Variants in TMCC1 observed in about 807,000 individuals in gnomAD.
TMCC1 encodes the protein transmembrane and coiled-coil domains protein 1.
Under a neutral mutation model 52.4 loss-of-function variants are expected in TMCC1, and 15 were observed. That is an observed-to-expected ratio of 0.29 (90% CI 0.19 to 0.44). The LOEUF (loss-of-function observed/expected upper bound fraction) is 0.44. Ranked by LOEUF, TMCC1 falls within the 20% of genes least tolerant of loss-of-function variation. The pLI is 1.00. For synonymous variants in TMCC1, 279 were observed against 301.9 expected, an observed-to-expected ratio of 0.92 and a Z score of 0.79; for missense variants, 503 against 806.0, an observed-to-expected ratio of 0.62 and a Z score of 4.55.
chr3:129,799,733 A>G (rs978017114), intron 4 of TMCC1, among the ~76,000 whole-genome samples: 3 of 151,934 alleles, frequency 2.0e-5, no homozygotes, highest in Admixed American at 6.6e-5. Flanking sequence ...AATGGCATGA[A>G]CCCGGGAGGC....
chr3:129,801,480 G>A (rs897745505), intron 4 of TMCC1, among the ~76,000 whole-genome samples: 4 of 151,468 alleles, frequency 2.6e-5, no homozygotes, highest in Non-Finnish European at 4.4e-5. Flanking sequence ...TTGTTTTCCC[G>A]AGACGGAGTC....
chr3:129,651,326 T>G lies in TMCC1; in HGVS notation c.*155A>C. On this transcript the variant is annotated 3_prime_UTR_variant, in exon 7 of 7. Coordinates refer to ENST00000393238, the MANE Select transcript of TMCC1 (RefSeq NM_001017395.5). This position sits in a 1 kb window ranked among gnomAD's most constrained non-coding sequence, Gnocchi z 5.1. Reference sequence around the variant, plus strand: ...AAAATCTAAAAAATACTATTGCAATTGCGTCTCTTGAAGAAAAAAACATTA... The same window carrying G: ...AAAATCTAAAAAATACTATTGCAATGGCGTCTCTTGAAGAAAAAAACATTA... The G allele has an allele frequency of 1.2e-6, 1 of 867,470 alleles. No homozygotes were observed. The highest frequency in any genetic ancestry group is 1.7e-6 in the Non-Finnish European group (1 of 582,936). The allele number at this position is 867,470 out of a possible 1,614,324, so 53.7% of individuals were successfully genotyped here.
At chr3:129,720,181 C>CAAAAAAAAA (rs765678095) in intron 4 of TMCC1, among the ~76,000 whole-genome samples, 20 of 58,710 alleles carry the variant, frequency 3.4e-4, no homozygotes, top group African/African-American at 1.0e-3. Context: ...GACCCTGTCT[C>CAAAAAAAAA]AAAAAAAAAA....
chr3:129,680,785 G>A (rs1230304071), intron 4 of TMCC1, among the ~76,000 whole-genome samples: 4 of 151,854 alleles, frequency 2.6e-5, no homozygotes, highest in African/African-American at 4.8e-5. Flanking sequence ...CCTGTAATCC[G>A]AGCTACTTGG....
chr3:129,880,765 C>T (rs537760315), intron 1 of TMCC1, among the ~76,000 whole-genome samples: 1 of 151,988 alleles, frequency 6.6e-6, no homozygotes, highest in African/African-American at 2.4e-5. Context: ...ACTAGGGATG[C>T]TCAACTGATA....
intron 2 of TMCC1, among the ~76,000 whole-genome samples, chr3:129,835,733 C>T (rs1046234859): frequency 6.6e-6 from 1 of 152,096 alleles, no homozygotes; most frequent in African/African-American, 2.4e-5. Flanking sequence ...TGCATATGCA[C>T]AGACTATTTC....
In TMCC1 at chr3:129,692,017, T is replaced by G. The variant is rs112314693; in HGVS notation, c.577-20753A>C. Among the ~76,000 whole-genome samples, 88 of 152,204 alleles carry G rather than the reference T, an allele frequency of 5.8e-4. 1 individual carries two copies. Among genetic ancestry groups the G allele is most frequent in the Non-Finnish European group, 8.7e-4 (59 of 68,042 alleles). The stretch of plus-strand genomic sequence containing the variant: ...AAGAACAAAAGATTCTTCTTACAGA[T>G]TCTATCAGTTTGGAAACATTTTAAG... On this transcript the variant is annotated intron_variant, in intron 4 of 6. Transcript: ENST00000393238.
At chr3:129,794,329 A>T (rs1220477758) in intron 4 of TMCC1, 1 of 456,170 alleles carries the variant, frequency 2.2e-6, no homozygotes, top group Non-Finnish European at 4.4e-6. Flanking sequence ...CCCACCTTGG[A>T]TAGCTGCCTC....
chr3:129,744,828 G>A (rs2051781081), intron 4 of TMCC1, among the ~76,000 whole-genome samples: 1 of 152,170 alleles, frequency 6.6e-6, no homozygotes, highest in Non-Finnish European at 1.5e-5. Flanking sequence ...AGGTAACAAA[G>A]CTGAGAGGTA....
At chr3:129,778,667 A>T (rs2055241019) in intron 4 of TMCC1, among the ~76,000 whole-genome samples, 1 of 36,384 alleles carries the variant, frequency 2.7e-5, no homozygotes, top group Middle Eastern at 9.3e-3. Flanking sequence ...AGGTGATTAG[A>T]TCATGGTGGG....
intron 4 of TMCC1, among the ~76,000 whole-genome samples, chr3:129,770,845 G>A (rs2054514578): frequency 1.3e-5 from 2 of 152,098 alleles, no homozygotes; most frequent in Non-Finnish European, 2.9e-5. Flanking sequence ...TCGTACAACT[G>A]AAGAAAAAGA....
At chr3:129,663,386 AT>A (rs1348510585) in intron 5 of TMCC1, among the ~76,000 whole-genome samples, 1 of 152,220 alleles carries the variant, frequency 6.6e-6, no homozygotes, top group African/African-American at 2.4e-5. Context: ...AGAATGGACT[AT>A]TTCCCAAATG....
chr3:129,723,912 ATTT>A (rs5852573), intron 4 of TMCC1, among the ~76,000 whole-genome samples: 4 of 141,434 alleles, frequency 2.8e-5, no homozygotes, highest in African/African-American at 7.9e-5. Context: ...TCAGGATGAG[ATTT>A]TTTTTTTTTT....
intron 4 of TMCC1, among the ~76,000 whole-genome samples, chr3:129,751,061 T>C (rs2052467656): frequency 6.6e-6 from 1 of 151,748 alleles, no homozygotes; most frequent in Admixed American, 6.6e-5. Flanking sequence ...ATTAGCCAGA[T>C]GTGGTGGCAC....
chr3:129,844,357 C>A (rs2059565697), intron 2 of TMCC1, among the ~76,000 whole-genome samples: 3 of 152,112 alleles, frequency 2.0e-5, no homozygotes, highest in African/African-American at 7.2e-5. Context: ...AAGAAACATA[C>A]AAAGTATGGA....
chr3:129,743,982 T>C (rs918229025), intron 4 of TMCC1, among the ~76,000 whole-genome samples: 1 of 152,068 alleles, frequency 6.6e-6, no homozygotes, highest in African/African-American at 2.4e-5. Flanking sequence ...AATGAAGCTG[T>C]CCACAGTGAA....
chr3:129,714,519 A>G (rs2048924006), intron 4 of TMCC1, among the ~76,000 whole-genome samples: 3 of 152,246 alleles, frequency 2.0e-5, no homozygotes, highest in Admixed American at 2.0e-4. Context: ...AGGAATGCCA[A>G]TATAAAGGTA....
chr3:129,779,008 A>T (rs934698109), intron 4 of TMCC1, among the ~76,000 whole-genome samples: 4 of 151,432 alleles, frequency 2.6e-5, no homozygotes, highest in Non-Finnish European at 5.9e-5. Flanking sequence ...TTTTTTGTGG[A>T]TCTTTTTTTC....
At chr3:129,886,508 C>T (rs1310186795) in intron 1 of TMCC1, among the ~76,000 whole-genome samples, 1 of 152,178 alleles carries the variant, frequency 6.6e-6, no homozygotes, top group Non-Finnish European at 1.5e-5. Context: ...TTATTCAGAA[C>T]AGCCTACTGA....
Sources: allele counts gnomAD v4.1 joint callset (sites outside exome capture counted in the v4.1 genomes callset), GRCh38; gene constraint gnomAD v4.1.1; non-coding constraint Gnocchi (gnomAD v3.1); transcripts MANE v1.5; gene names NCBI Gene and HGNC (gene_info 2026-07-23, HGNC 2026-07-21).